Variants in RAI14 observed in about 807,000 individuals in gnomAD.
RAI14 encodes the protein retinoic acid induced 14.
A neutral mutation model predicts 115.4 loss-of-function variants in RAI14; 45 were observed. The observed-to-expected ratio is 0.39, with a 90% CI of 0.31 to 0.50. RAI14 has a LOEUF of 0.50. RAI14 is among the 20% of genes least tolerant of loss of function. RAI14 has a pLI of 0.85. For synonymous variants in RAI14, 371 were observed against 415.4 expected (o/e 0.89, Z 1.30); for missense variants, 939 against 1,131.2 (o/e 0.83, Z 2.44).
chr5:34,825,165 C>A (rs923696189), intron 15 of RAI14, among the ~76,000 whole-genome samples: 4 of 151,884 alleles, frequency 2.6e-5, no homozygotes, highest in African/African-American at 9.7e-5. Context: ...GTCCCAGCCA[C>A]TTGAGAGGCT....
At chr5:34,658,134 G>C (rs1447595072) in intron 1 of RAI14, among the ~76,000 whole-genome samples, 1 of 152,096 alleles carries the variant, frequency 6.6e-6, no homozygotes. Flanking sequence ...ATTGTTTTAT[G>C]GCTTTTTGGA....
chr5:34,799,844 C>A lies in RAI14; in HGVS notation c.256+3817C>A, dbSNP rs545288413. On this transcript the variant is annotated intron_variant, in intron 4 of 17. Transcript: ENST00000265109. ...CTAGGACTACAGGCGCCCGCCACCA[C>A]GCCTGGCTAATTTTTTGTATTTTTA... Among the ~76,000 whole-genome samples the A allele has an allele frequency of 1.6e-4, 25 of 152,136 alleles. No individual in the cohort carries two copies. In the South Asian group the frequency reaches 5.0e-3, roughly 30 times the overall value.
chr5:34,761,404 G>A (rs1165164451), intron 3 of RAI14, among the ~76,000 whole-genome samples: 1 of 152,140 alleles, frequency 6.6e-6, no homozygotes, highest in African/African-American at 2.4e-5. Flanking sequence ...GGGTCTTGCT[G>A]TCTTGTCCTA....
At chr5:34,770,914 C>T (rs772329306) in intron 3 of RAI14, among the ~76,000 whole-genome samples, 1 of 151,926 alleles carries the variant, frequency 6.6e-6, no homozygotes. Context: ...AAAAAGAGTA[C>T]AATAAAAATA....
rs770506422 is a variant in RAI14 at position 34,826,418 on chromosome 5, G to A, written c.2738G>A (p.Arg913Lys). The A allele has an allele frequency of 1.9e-6, 3 of 1,614,058 alleles. No individual in the cohort carries two copies. Among genetic ancestry groups the A allele is most frequent in the South Asian group, 1.1e-5 (1 of 91,046 alleles). Reference protein sequence around the residue: ...QLSYSTSSSKRQSQQLEALQQ... With the variant: ...QLSYSTSSSKKQSQQLEALQQ... ...TCCTACTCAACAAGCTCATCCAAAA[G>A]GCAGAGTCAGCAGCTGGAGGCGCTG... Residue 913 changes from arginine (R) to lysine (K), a missense_variant, in exon 16 of 18, where the codon AGG (arginine) becomes AAG (lysine). Arg to Lys is a conservative substitution (Grantham distance 26). Transcript: ENST00000265109.
Position 34,826,399 on chromosome 5 carries a change from T to A in RAI14, c.2719T>A (p.Ser907Thr), listed in dbSNP as rs1757453046. 6.2e-7 allele frequency: 1 copy of A among 1,614,056 alleles called. No individual in the cohort carries two copies. Among genetic ancestry groups the A allele is most frequent in the African/African-American group, 1.3e-5 (1 of 75,036 alleles). The change falls in exon 16 of 18, where the codon TCA becomes ACA. Residue 907 changes from serine to threonine, a missense_variant. Coordinates refer to ENST00000265109, the MANE Select transcript of RAI14 (RefSeq NM_015577.3). The part of the protein sequence containing the change: ...ALNSLSQLSY[S>T]TSSSKRQSQQ... ...GAACAGCCTCTCCCAGCTCTCCTAC[T>A]CAACAAGCTCATCCAAAAGGCAGAG... is the stretch of plus-strand genomic sequence containing the variant.
At chr5:34,776,409 AAG>A (rs1750840152) in intron 3 of RAI14, among the ~76,000 whole-genome samples, 1 of 152,202 alleles carries the variant, frequency 6.6e-6, no homozygotes, top group South Asian at 2.1e-4. Flanking sequence ...AAATAGCTGA[AAG>A]AGTATAATTG....
chr5:34,704,719 C>T (rs918415986), intron 2 of RAI14, among the ~76,000 whole-genome samples: 24 of 152,128 alleles, frequency 1.6e-4, no homozygotes, highest in Non-Finnish European at 1.5e-5. Flanking sequence ...TTTCTCCATT[C>T]GATAAGCAGA....
intron 2 of RAI14, among the ~76,000 whole-genome samples, chr5:34,725,169 C>T (rs570033378): frequency 2.4e-4 from 36 of 152,172 alleles, no homozygotes; most frequent in Non-Finnish European, 4.1e-4. Context: ...GTTTCCCTTT[C>T]TCTAAAAGGG....
chr5:34,733,688 A>G (rs926977445), intron 2 of RAI14, among the ~76,000 whole-genome samples: 1 of 152,158 alleles, frequency 6.6e-6, no homozygotes, highest in Non-Finnish European at 1.5e-5. Context: ...TCTGGGATCA[A>G]CCTGTCTCCC....
chr5:34,757,377 A>C lies in RAI14; in HGVS notation c.37-91A>C, dbSNP rs1218317911. On this transcript the variant is annotated intron_variant, in intron 2 of 17. Transcript: ENST00000265109. ...AGCAGGCTTTAATTTGAGTGACAGG[A>C]GGGTGGGGGCTGCGAGGACTGCAGC... The C allele has an allele frequency of 2.1e-6, 3 of 1,396,350 alleles. No individual in the cohort carries two copies. In the African/African-American group the frequency reaches 4.3e-5, roughly 20 times the overall value. 86.5% of individuals were successfully genotyped at this position (1,396,350 alleles called of 1,614,324 possible).
intron 5 of RAI14, among the ~76,000 whole-genome samples, chr5:34,804,727 G>A (rs1021524647): frequency 6.6e-6 from 1 of 152,148 alleles, no homozygotes; most frequent in African/African-American, 2.4e-5. Flanking sequence ...ATAGATTAAT[G>A]TCTGTGATGT....
chr5:34,823,783 G>C lies in RAI14; in HGVS notation c.1941G>C (p.Glu647Asp), dbSNP rs1045786055. ...ATGAACTCAATAAACAGGTGAGCGA[G>C]CTGTCACAGCTGTACAAAGAAGCCC... is the stretch of plus-strand genomic sequence containing the variant. Reference protein sequence around the residue: ...MIDELNKQVSELSQLYKEAQA... With the variant: ...MIDELNKQVSDLSQLYKEAQA... The change falls in exon 15 of 18, where the codon GAG becomes GAC. Residue 647 changes from glutamate (E) to aspartate (D), a missense_variant. Coordinates refer to ENST00000265109, the MANE Select transcript of RAI14 (RefSeq NM_015577.3). The surrounding 1 kb of genome is among the most constrained non-coding windows in gnomAD (Gnocchi z 4.5). 7 of 1,614,096 alleles carry C rather than the reference G, an allele frequency of 4.3e-6. No individual in the cohort carries two copies. The highest frequency in any genetic ancestry group is 1.7e-5 in the Admixed American group (1 of 60,012).
rs146616019 is a variant in RAI14, at chr5:34,764,537, TTC to T, written c.167+6972_167+6973del. 9.9e-3 allele frequency among the ~76,000 whole-genome samples: 706 copies of T among 71,230 alleles called. 3 individuals carry two copies. The highest frequency in any genetic ancestry group is 0.064 in the African/African-American group (397 of 6,228). The allele number at this position is 71,230 out of a possible 152,430, so 46.7% of individuals were successfully genotyped here. On this transcript the variant is annotated intron_variant, in intron 3 of 17. Transcript: ENST00000265109. ...AAGGCCCAGGAAGCACAGGTGAATT[TTC>T]TCTCTCTCTCTCTCTCTCTCTCTCT... is the stretch of plus-strand genomic sequence containing the variant.
At chr5:34,705,360 C>A (rs747769728) in intron 2 of RAI14, among the ~76,000 whole-genome samples, 16 of 151,960 alleles carry the variant, frequency 1.1e-4, no homozygotes, top group Admixed American at 1.3e-4. Flanking sequence ...ATGCTGAAAT[C>A]ATCATATTTT....
In RAI14 at chr5:34,696,357, C is replaced by T. The variant is rs376370945; in HGVS notation, c.36+9402C>T. Among the ~76,000 whole-genome samples the T allele has an allele frequency of 4.2e-4, 64 of 152,044 alleles. 2 individuals carry two copies. In the South Asian group the frequency reaches 0.013, roughly 32 times the overall value. On this transcript the variant is annotated intron_variant, in intron 2 of 17. Transcript: ENST00000265109. ...TTCACTGTGTTAGCCAGGATGGTCTCGATCTCCTGACCTCATGATCCACCC... is the reference window on the plus strand; with the variant it reads ...TTCACTGTGTTAGCCAGGATGGTCTTGATCTCCTGACCTCATGATCCACCC...
At chr5:34,790,445 C>G (rs1752785226) in intron 3 of RAI14, among the ~76,000 whole-genome samples, 1 of 152,112 alleles carries the variant, frequency 6.6e-6, no homozygotes, top group Non-Finnish European at 1.5e-5. Flanking sequence ...GTGCACTGAC[C>G]ATTTTGGTTT....
chr5:34,793,034 A>AT (rs1299302424), intron 3 of RAI14, among the ~76,000 whole-genome samples: 2 of 152,260 alleles, frequency 1.3e-5, no homozygotes, highest in Non-Finnish European at 2.9e-5. Context: ...CACACGATTT[A>AT]TTAAAGCGTA....
rs754889406 is a variant in RAI14 at position 34,823,170 on chromosome 5, A to G, written c.1328A>G (p.Lys443Arg). 6.2e-7 allele frequency: 1 copy of G among 1,613,610 alleles called. No individual in the cohort carries two copies. Among genetic ancestry groups the G allele is most frequent in the East Asian group, 2.2e-5 (1 of 44,878 alleles). The change falls in exon 15 of 18, where the codon AAG (lysine) becomes AGG (arginine). Residue 443 changes from lysine (K) to arginine (R), a missense_variant. Coordinates refer to ENST00000265109, the MANE Select transcript of RAI14 (RefSeq NM_015577.3). This position sits in a 1 kb window ranked among gnomAD's most constrained non-coding sequence, Gnocchi z 4.5. ...CAAGAGATTTTGCAAGATCTACAGA[A>G]GAGATTAGAGAGCTCTGAAGCAGAG... Reference protein sequence around the residue: ...QLQEILQDLQKRLESSEAERK... With the variant: ...QLQEILQDLQRRLESSEAERK...
Sources: allele counts gnomAD v4.1 joint callset (sites outside exome capture counted in the v4.1 genomes callset), GRCh38; gene constraint gnomAD v4.1.1; non-coding constraint Gnocchi (gnomAD v3.1); transcripts MANE v1.5; gene names NCBI Gene and HGNC (gene_info 2026-07-23, HGNC 2026-07-21).